The following PIK3R6 variants were observed in gnomAD, a reference collection of about 807,000 sequenced individuals.
PIK3R6 encodes phosphoinositide 3-kinase regulatory subunit 6.
Under a neutral mutation model 84.9 loss-of-function variants are expected in PIK3R6, and 91 were observed. The ratio of observed to expected loss-of-function variants is 1.07; its 90% CI spans 0.90 to 1.28. The LOEUF is 1.28. Among genes scored for constraint, PIK3R6 ranks in the 50% most tolerant of loss-of-function variants. PIK3R6 has a pLI of 0.00. For synonymous variants in PIK3R6, 416 were observed against 411.4 expected (o/e 1.01, Z -0.13); for missense variants, 996 against 985.1 (o/e 1.01, Z -0.15).
chr17:8,836,636 G>T lies in PIK3R6; in HGVS notation c.392-20C>A. On this transcript the variant is annotated intron_variant, in intron 6 of 19. Transcript: ENST00000619866. Reference sequence around the variant, plus strand: ...GTGTCCCTGCAAACCAGACCACTTTGGCCAAACAGCCCCCAAGTCTCTGAC... The same window carrying T: ...GTGTCCCTGCAAACCAGACCACTTTTGCCAAACAGCCCCCAAGTCTCTGAC... The T allele has an allele frequency of 6.2e-7, 1 of 1,613,904 alleles. No individual in the cohort carries two copies. The highest frequency in any genetic ancestry group is 8.5e-7 in the Non-Finnish European group (1 of 1,179,866).
At chr17:8,841,412 C>A (rs2088672764) in intron 2 of PIK3R6, among the ~76,000 whole-genome samples, 1 of 152,204 alleles carries the variant, frequency 6.6e-6, no homozygotes, top group African/African-American at 2.4e-5. Flanking sequence ...TCTCCTGAAC[C>A]CCTTCATCCC....
intron 18 of PIK3R6, among the ~76,000 whole-genome samples, chr17:8,815,710 A>G (rs539803209): frequency 2.0e-5 from 3 of 152,310 alleles, no homozygotes; most frequent in Admixed American, 2.0e-4. Context: ...GGGACTCTTG[A>G]AGGCTACAAG....
chr17:8,834,728 C>T (rs538020532), intron 8 of PIK3R6, among the ~76,000 whole-genome samples: 5 of 152,122 alleles, frequency 3.3e-5, no homozygotes, highest in South Asian at 2.1e-4. Context: ...GCTTTGACTC[C>T]GAGTGAGATG....
chr17:8,843,492 C>T (rs1232878479), intron 2 of PIK3R6, among the ~76,000 whole-genome samples: 24 of 152,104 alleles, frequency 1.6e-4, no homozygotes, highest in Non-Finnish European at 5.9e-5. Context: ...TTATGTTTCA[C>T]AGAAAAATAG....
In PIK3R6 at chr17:8,827,133, G is replaced by A. The variant is rs768839983; in HGVS notation, c.1515+39C>T. On this transcript the variant is annotated intron_variant, in intron 13 of 19. Coordinates refer to ENST00000619866, the MANE Select transcript of PIK3R6 (RefSeq NM_001010855.4). ...TCCCCTCTGCCCAGACCCCACTCCC[G>A]TCCCTCTCTCCCTCCCTGGTACCCT... 46 of 1,603,692 alleles carry A rather than the reference G, an allele frequency of 2.9e-5. 1 individual carries two copies. The South Asian group carries it at 3.1e-4, about 11-fold the overall frequency.
Position 8,842,288 on chromosome 17 carries a change from C to T in PIK3R6, c.14-2591G>A, listed in dbSNP as rs113549933. On this transcript the variant is annotated intron_variant, in intron 2 of 19. Coordinates refer to ENST00000619866, the MANE Select transcript of PIK3R6 (RefSeq NM_001010855.4). This position sits in a 1 kb window ranked among gnomAD's most constrained non-coding sequence, Gnocchi z 4.5. ...AAATCCATCACTTTCTGCTGAGCCA[C>T]GCCTCCCAGCCAAAATACACGGTAT... Among the ~76,000 whole-genome samples the T allele has an allele frequency of 4.1e-3, 625 of 152,296 alleles. 5 individuals are homozygous for T. Among genetic ancestry groups the T allele is most frequent in the African/African-American group, 0.014 (588 of 41,556 alleles).
At chr17:8,847,592 G>T (rs2088842157) in intron 2 of PIK3R6, among the ~76,000 whole-genome samples, 1 of 152,092 alleles carries the variant, frequency 6.6e-6, no homozygotes, top group Non-Finnish European at 1.5e-5. Flanking sequence ...CCTGAGGTCA[G>T]GAGTTCGAGA....
At chr17:8,865,566 G>A (rs2089387574) in intron 1 of PIK3R6, among the ~76,000 whole-genome samples, 1 of 152,072 alleles carries the variant, frequency 6.6e-6, no homozygotes, top group South Asian at 2.1e-4. Context: ...CGTGCCCTCA[G>A]GGTTTCAGGG....
At chr17:8,860,860 C>T (rs1386187350) in intron 1 of PIK3R6, among the ~76,000 whole-genome samples, 1 of 152,102 alleles carries the variant, frequency 6.6e-6, no homozygotes, top group African/African-American at 2.4e-5. Context: ...CACACCAGCA[C>T]TATCAGCCTG....
intron 1 of PIK3R6, among the ~76,000 whole-genome samples, chr17:8,857,338 C>T (rs542252982): frequency 2.5e-4 from 38 of 152,150 alleles, no homozygotes; most frequent in Non-Finnish European, 4.4e-4. Flanking sequence ...TTGCCAAAAG[C>T]CACGTGGCCA....
intron 1 of PIK3R6, among the ~76,000 whole-genome samples, chr17:8,864,527 C>CTGTTTTTTT (rs1491472760): frequency 7.9e-6 from 1 of 126,878 alleles, no homozygotes; most frequent in African/African-American, 3.2e-5. Flanking sequence ...TCCTTCACAG[C>CTGTTTTTTT]TCTTTTTTTT....
Position 8,823,499 on chromosome 17 carries a change from T to G in PIK3R6, c.1516-2A>C, listed in dbSNP as rs1405064418. 3 of 1,592,852 alleles carry G rather than the reference T, an allele frequency of 1.9e-6. No individual in the cohort carries two copies. The Admixed American group carries it at 5.0e-5, about 27-fold the overall frequency. ...CCGGGATGTGTCCAGGGAAGGAGGC[T>G]GTGATGGAGACAGGGAATGTCTTCA... On this transcript the variant is annotated splice_acceptor_variant, in intron 13 of 19. Transcript: ENST00000619866. LOFTEE classifies it high-confidence loss of function.
At chr17:8,819,451 G>T (rs547235571) in intron 17 of PIK3R6, among the ~76,000 whole-genome samples, 1 of 151,704 alleles carries the variant, frequency 6.6e-6, no homozygotes, top group South Asian at 2.1e-4. Context: ...AAATCCGCAC[G>T]CCCTACCCTT....
At chr17:8,852,868 C>A (rs945549805) in intron 1 of PIK3R6, among the ~76,000 whole-genome samples, 16 of 152,034 alleles carry the variant, frequency 1.1e-4, no homozygotes, top group African/African-American at 3.9e-4. Context: ...TTAGTATAGC[C>A]TTTCTGGGTG....
rs1340788999 is a variant in PIK3R6 at position 8,839,856 on chromosome 17, G to A, written c.14-159C>T. Reference sequence around the variant, plus strand: ...GGCAGCCAGCATGCCAGCCAGGGCTGGAATATAGCCTTCCCTTCCACGTTT... The same window carrying A: ...GGCAGCCAGCATGCCAGCCAGGGCTAGAATATAGCCTTCCCTTCCACGTTT... On this transcript the variant is annotated intron_variant, in intron 2 of 19. Transcript: ENST00000619866. The surrounding 1 kb of genome is among the most constrained non-coding windows in gnomAD (Gnocchi z 4.2). Among the ~76,000 whole-genome samples, 1 of 152,186 alleles carries A rather than the reference G, an allele frequency of 6.6e-6. No individual in the cohort carries two copies. Among genetic ancestry groups the A allele is most frequent in the African/African-American group, 2.4e-5 (1 of 41,446 alleles).
chr17:8,837,851 C>T lies in PIK3R6; in HGVS notation c.210G>A (p.Arg70=). The T allele has an allele frequency of 6.2e-7, 1 of 1,613,960 alleles. No individual in the cohort carries two copies. Among genetic ancestry groups the T allele is most frequent in the Non-Finnish European group, 8.5e-7 (1 of 1,179,850 alleles). ...ELEKAESQDL[R]HVIIPLLHTV... ...TGTGCAGCAAGGGAATGATGACATG[C>T]CGGAGGTCCTGGCTTTCCGCCTGGA... Residue 70 remains arginine, a synonymous_variant, in exon 5 of 20, where the codon CGG becomes CGA. Coordinates refer to ENST00000619866, the MANE Select transcript of PIK3R6 (RefSeq NM_001010855.4).
intron 2 of PIK3R6, among the ~76,000 whole-genome samples, chr17:8,845,113 G>A (rs1350606690): frequency 6.6e-6 from 1 of 152,156 alleles, no homozygotes; most frequent in African/African-American, 2.4e-5. Flanking sequence ...TTGCTTTTGT[G>A]AATAGTGCTG....
intron 1 of PIK3R6, among the ~76,000 whole-genome samples, chr17:8,865,694 G>A (rs935525117): frequency 6.6e-6 from 1 of 151,690 alleles, no homozygotes; most frequent in Non-Finnish European, 1.5e-5. Context: ...TCTGGGTCCT[G>A]AGGGGGCCCC....
intron 10 of PIK3R6, among the ~76,000 whole-genome samples, chr17:8,829,476 ACT>A (rs1228768641): frequency 1.4e-5 from 2 of 146,712 alleles, no homozygotes; most frequent in East Asian, 2.0e-4. Context: ...ACTGACACAC[ACT>A]CATGCACGCA....
Sources: allele counts gnomAD v4.1 joint callset (sites outside exome capture counted in the v4.1 genomes callset), GRCh38; gene constraint gnomAD v4.1.1; non-coding constraint Gnocchi (gnomAD v3.1); transcripts MANE v1.5; gene names NCBI Gene and HGNC (gene_info 2026-07-23, HGNC 2026-07-21).